The following GABRB1 variants were observed in gnomAD, a reference collection of about 807,000 sequenced individuals.
GABRB1 encodes the protein gamma-aminobutyric acid type A receptor subunit beta1.
A neutral mutation model predicts 51.6 loss-of-function variants in GABRB1; 17 were observed. That is an observed-to-expected ratio of 0.33 (90% confidence interval 0.23 to 0.49). The LOEUF (loss-of-function observed/expected upper bound fraction) is 0.49. GABRB1 is among the 20% of genes least tolerant of loss of function. The pLI is 0.99. For synonymous variants in GABRB1, 247 were observed against 218.9 expected (o/e 1.13, Z -1.14); for missense variants, 410 against 600.6 (o/e 0.68, Z 3.32).
intron 8 of GABRB1, among the ~76,000 whole-genome samples, chr4:47,423,693 A>G (rs1049250761): frequency 6.6e-6 from 1 of 152,232 alleles, no homozygotes; most frequent in African/African-American, 2.4e-5. Flanking sequence ...TGATTAACAT[A>G]CAAAGAGGAG....
intron 4 of GABRB1, among the ~76,000 whole-genome samples, chr4:47,270,648 C>T (rs893517992): frequency 6.6e-6 from 1 of 152,138 alleles, no homozygotes; most frequent in Non-Finnish European, 1.5e-5. Flanking sequence ...ACATAAAATC[C>T]TCCTAACCTA....
intron 1 of GABRB1, among the ~76,000 whole-genome samples, chr4:47,025,146 T>C (rs1725051526): frequency 1.3e-5 from 2 of 151,102 alleles, no homozygotes; most frequent in Admixed American, 6.6e-5. Flanking sequence ...CACTCATTGA[T>C]TGATGCGTAT....
At chr4:47,110,356 T>G (rs1256059876) in intron 3 of GABRB1, among the ~76,000 whole-genome samples, 1 of 152,196 alleles carries the variant, frequency 6.6e-6, no homozygotes, top group Admixed American at 6.5e-5. Flanking sequence ...CCATAAGTGG[T>G]GCTAACTTCA....
At chr4:47,140,442 T>C (rs752309485) in intron 3 of GABRB1, among the ~76,000 whole-genome samples, 47 of 152,082 alleles carry the variant, frequency 3.1e-4, no homozygotes, top group Admixed American at 9.8e-4. Flanking sequence ...GTAGGTTAGA[T>C]GGTAGGGAAA....
rs377244204 is a variant in GABRB1, at chr4:47,146,119, G to A, written c.241-15130G>A. Among the ~76,000 whole-genome samples the A allele has an allele frequency of 7.9e-5, 12 of 152,070 alleles. 1 individual carries two copies. The highest frequency in any genetic ancestry group is 2.6e-4 in the African/African-American group (11 of 41,514). ...CAGGTATCACTTTAGCGGTCACACCGTTGCTGAACCTTGATTTCCACTCAT... is the reference window on the plus strand; with the variant it reads ...CAGGTATCACTTTAGCGGTCACACCATTGCTGAACCTTGATTTCCACTCAT... On this transcript the variant is annotated intron_variant, in intron 3 of 8. Coordinates refer to ENST00000295454, the MANE Select transcript of GABRB1 (RefSeq NM_000812.4).
intron 3 of GABRB1, among the ~76,000 whole-genome samples, chr4:47,135,319 T>C (rs1716594961): frequency 6.6e-6 from 1 of 152,062 alleles, no homozygotes; most frequent in South Asian, 2.1e-4. Context: ...AGCAGTTTGA[T>C]AAGAGGATAT....
chr4:47,089,452 G>A (rs1333999192), intron 3 of GABRB1, among the ~76,000 whole-genome samples: 2 of 152,166 alleles, frequency 1.3e-5, no homozygotes, highest in East Asian at 3.9e-4. Flanking sequence ...TTGGAAATTA[G>A]CATTGAAATC....
At chr4:47,253,640 T>C (rs1324162731) in intron 4 of GABRB1, among the ~76,000 whole-genome samples, 2 of 152,204 alleles carry the variant, frequency 1.3e-5, no homozygotes, top group Non-Finnish European at 2.9e-5. Context: ...CAGTAACAAT[T>C]TCATTTGATT....
chr4:47,335,397 T>G (rs929797695), intron 5 of GABRB1, among the ~76,000 whole-genome samples: 1 of 152,142 alleles, frequency 6.6e-6, no homozygotes, highest in Non-Finnish European at 1.5e-5. Context: ...CATCTGATTT[T>G]AGATTGGAAA....
chr4:47,050,715 T>C (rs892637870), intron 3 of GABRB1, among the ~76,000 whole-genome samples: 2 of 152,198 alleles, frequency 1.3e-5, no homozygotes, highest in African/African-American at 2.4e-5. Flanking sequence ...TGACAACAAA[T>C]GTTCAACTCC....
chr4:47,152,323 C>G (rs1222698944), intron 3 of GABRB1, among the ~76,000 whole-genome samples: 1 of 151,960 alleles, frequency 6.6e-6, no homozygotes, highest in African/African-American at 2.4e-5. Context: ...TGATCATTTG[C>G]TATCCACTGT....
chr4:47,210,476 G>C (rs897326397), intron 4 of GABRB1, among the ~76,000 whole-genome samples: 1 of 152,058 alleles, frequency 6.6e-6, no homozygotes, highest in Non-Finnish European at 1.5e-5. Flanking sequence ...TCTGAAGTCT[G>C]GCTGTTCCAT....
At chr4:47,047,844 T>C (rs934713939) in intron 3 of GABRB1, among the ~76,000 whole-genome samples, 1 of 152,124 alleles carries the variant, frequency 6.6e-6, no homozygotes, top group African/African-American at 2.4e-5. Context: ...GTCCTCCCTC[T>C]GAGACAATCT....
At chr4:47,251,527 G>T (rs1439782217) in intron 4 of GABRB1, among the ~76,000 whole-genome samples, 3 of 152,086 alleles carry the variant, frequency 2.0e-5, no homozygotes, top group Admixed American at 6.5e-5. Context: ...TATGCCCTTT[G>T]TCTTCACCTA....
chr4:47,041,018 G>T (rs890162317), intron 3 of GABRB1, among the ~76,000 whole-genome samples: 1 of 152,136 alleles, frequency 6.6e-6, no homozygotes. Flanking sequence ...CTTCTCCACT[G>T]TATCGCTAAA....
At chr4:47,027,289 A>T (rs1363166964), upstream of GABRB1, among the ~76,000 whole-genome samples, 1 of 151,680 alleles carries the variant, frequency 6.6e-6, no homozygotes, top group Non-Finnish European at 1.5e-5. Flanking sequence ...ATTTGAGAAG[A>T]CATTCCAAAA....
At chr4:47,046,246 G>C (rs558585556) in intron 3 of GABRB1, among the ~76,000 whole-genome samples, 92 of 151,974 alleles carry the variant, frequency 6.1e-4, no homozygotes, top group African/African-American at 2.2e-3. Context: ...TTCATAGCAG[G>C]GTGAGGACGG....
At chr4:47,376,161 G>C (rs140440821) in intron 5 of GABRB1, among the ~76,000 whole-genome samples, 9 of 152,154 alleles carry the variant, frequency 5.9e-5, no homozygotes, top group African/African-American at 2.2e-4. Flanking sequence ...GGAGTTTTGG[G>C]TTTGATTGAA....
chr4:47,344,182 T>C (rs1726004616), intron 5 of GABRB1, among the ~76,000 whole-genome samples: 1 of 152,158 alleles, frequency 6.6e-6, no homozygotes, highest in African/African-American at 2.4e-5. Context: ...CAAAGAGTGG[T>C]AGCAAAGGTG....
Sources: allele counts gnomAD v4.1 joint callset (sites outside exome capture counted in the v4.1 genomes callset), GRCh38; gene constraint gnomAD v4.1.1; transcripts MANE v1.5; gene names NCBI Gene and HGNC (gene_info 2026-07-23, HGNC 2026-07-21).